The following KY variants were observed in gnomAD, a reference collection of about 807,000 sequenced individuals.
KY encodes kyphoscoliosis peptidase.
In KY, 43 loss-of-function variants were observed where a neutral mutation model predicts 76.1. The observed-to-expected ratio is 0.57, with a 90% CI of 0.44 to 0.73. The LOEUF (loss-of-function observed/expected upper bound fraction) is 0.73, where lower values mean the gene tolerates loss of function less well. Among genes scored for constraint, KY ranks in the 30% least tolerant of loss-of-function variants. The pLI is 0.00. For missense variants in KY, 722 were observed against 828.9 expected (o/e 0.87, Z 1.58); for synonymous variants, 277 against 326.2 (o/e 0.85, Z 1.63).
At chr3:134,636,713 C>A (rs1368173957) in intron 3 of KY, among the ~76,000 whole-genome samples, 1 of 152,204 alleles carries the variant, frequency 6.6e-6, no homozygotes, top group African/African-American at 2.4e-5. Flanking sequence ...TTGTCTAAAG[C>A]TGCTAAGTTG....
At chr3:134,633,892 A>C (rs1054832318) in intron 3 of KY, among the ~76,000 whole-genome samples, 2 of 152,208 alleles carry the variant, frequency 1.3e-5, no homozygotes, top group African/African-American at 4.8e-5. Context: ...AGAACTAATA[A>C]GTTAGTTTAG....
chr3:134,616,914 G>A (rs1252016572), intron 8 of KY, among the ~76,000 whole-genome samples: 2 of 152,182 alleles, frequency 1.3e-5, no homozygotes, highest in Non-Finnish European at 2.9e-5. Context: ...AGCCCTGCCA[G>A]GTAGGCAATC....
intron 8 of KY, among the ~76,000 whole-genome samples, chr3:134,611,867 T>G (rs1880378): frequency 6.6e-6 from 1 of 152,078 alleles, no homozygotes; most frequent in Non-Finnish European, 1.5e-5. Context: ...CTATAGGAAT[T>G]GGGGGAATCT....
chr3:134,604,503 G>T (rs375704295), intron 10 of KY, 29 bp from the exon 11 acceptor site: 32 of 1,577,586 alleles, frequency 2.0e-5, no homozygotes, highest in Non-Finnish European at 2.8e-5. Flanking sequence ...GGTCAGCAGA[G>T]ATGGGTCCAG....
chr3:134,610,893 G>T (rs1960305432), intron 8 of KY, among the ~76,000 whole-genome samples: 1 of 152,212 alleles, frequency 6.6e-6, no homozygotes, highest in African/African-American at 2.4e-5. Context: ...GTGTTGTGGG[G>T]TTGCTGGTTG....
chr3:134,611,926 A>G (rs1467627989), intron 8 of KY, among the ~76,000 whole-genome samples: 1 of 152,286 alleles, frequency 6.6e-6, no homozygotes, highest in Non-Finnish European at 1.5e-5. Context: ...ATATTGGATT[A>G]AATATTACTA....
At chr3:134,644,071 C>T (rs938877634) in intron 2 of KY, among the ~76,000 whole-genome samples, 10 of 152,106 alleles carry the variant, frequency 6.6e-5, no homozygotes, top group Admixed American at 2.0e-4. Context: ...GTGATTCACC[C>T]GCCTCAGCCT....
In KY at chr3:134,600,008, C is replaced by T. The variant is rs569405560; in HGVS notation, c.*3571G>A. On this transcript the variant is annotated 3_prime_UTR_variant, in exon 11 of 11. Transcript: ENST00000423778. ...CATACTCAACAGCCACCGGCCCACA[C>T]AACTCAATGCACACATTATGAGAAG... Among the ~76,000 whole-genome samples the T allele has an allele frequency of 3.9e-5, 6 of 152,354 alleles. No homozygotes were observed. The East Asian group carries it at 1.2e-3, about 29-fold the overall frequency.
Position 134,603,948 on chromosome 3 carries a change from G to A in KY, c.1617C>T (p.Val539=). ...AGTTTCCTGGTTCCTGCCTCTTCTT[G>A]ACAAAGATCTTGAGGGCAAACTTGC... ...HAGKFALKIF[V]KKRQEPGNYI... is the part of the protein sequence containing the mutation. Residue 539 remains valine, a synonymous_variant, in exon 11 of 11, where the codon GTC becomes GTT. Coordinates refer to ENST00000423778, the MANE Select transcript of KY (RefSeq NM_178554.6). The A allele has an allele frequency of 6.2e-7, 1 of 1,614,008 alleles. No homozygotes were observed. The highest frequency in any genetic ancestry group is 8.5e-7 in the Non-Finnish European group (1 of 1,179,888).
chr3:134,615,435 C>T (rs1251233363), intron 8 of KY: 2 of 146,658 alleles, frequency 1.4e-5, no homozygotes, highest in Non-Finnish European at 3.0e-5. Flanking sequence ...TCATAGCTGA[C>T]ATGGTAAGTT....
chr3:134,624,347 G>T (rs1295652446), intron 6 of KY, among the ~76,000 whole-genome samples: 2 of 152,142 alleles, frequency 1.3e-5, no homozygotes, highest in African/African-American at 4.8e-5. Flanking sequence ...TTCTCATCTG[G>T]CTTTCTTGAT....
At chr3:134,614,007 A>T (rs1961031802) in intron 8 of KY, among the ~76,000 whole-genome samples, 1 of 152,238 alleles carries the variant, frequency 6.6e-6, no homozygotes, top group Non-Finnish European at 1.5e-5. Context: ...AACAACATAA[A>T]AAAATATCAT....
chr3:134,620,771 C>T lies in KY; in HGVS notation c.570G>A (p.Trp190Ter). 6.2e-7 allele frequency: 1 copy of T among 1,613,646 alleles called. No homozygotes were observed. Among genetic ancestry groups the T allele is most frequent in the Non-Finnish European group, 8.5e-7 (1 of 1,179,694 alleles). The change falls in exon 7 of 11, where the codon TGG becomes TGA. Residue 190 changes from tryptophan (W) to a stop codon, truncating the protein, a stop_gained. Coordinates refer to ENST00000423778, the MANE Select transcript of KY (RefSeq NM_178554.6). LOFTEE classifies it high-confidence loss of function. ...HTDLERVRAIWIWICHHIEYD... is the reference protein window; with the variant it reads ...HTDLERVRAI ...TACCTATGTGATGGCAGATCCAGAT[C>T]CAGATGGCGCGGACCCTTTCCAGGT... is the stretch of plus-strand genomic sequence containing the variant.
At chr3:134,619,396 C>T in intron 7 of KY, 131 bp from the exon 8 acceptor site, 1 of 697,180 alleles carries the variant, frequency 1.4e-6, no homozygotes, top group Non-Finnish European at 2.6e-6. Flanking sequence ...AACTACAGCC[C>T]CAGCACAAAT....
At chr3:134,642,285 G>T (rs1025909985) in intron 3 of KY, among the ~76,000 whole-genome samples, 1 of 152,144 alleles carries the variant, frequency 6.6e-6, no homozygotes, top group African/African-American at 2.4e-5. Flanking sequence ...GTTTCATATG[G>T]GGCATGGGGG....
At chr3:134,604,787 T>C (rs1256835448) in intron 10 of KY, among the ~76,000 whole-genome samples, 1 of 152,178 alleles carries the variant, frequency 6.6e-6, no homozygotes, top group South Asian at 2.1e-4. Flanking sequence ...TCCTGCCCAA[T>C]TGATTCACAT....
At position 134,603,799 on chromosome 3, in the gene KY, A is replaced by G; in HGVS notation, c.1766T>C (p.Leu589Pro). 6.2e-7 allele frequency: 1 copy of G among 1,613,628 alleles called. No homozygotes were observed. Among genetic ancestry groups the G allele is most frequent in the Non-Finnish European group, 8.5e-7 (1 of 1,179,666 alleles). ...GAATGGGACATTCCGGTTGGCAGGA[A>G]GCACACCTGACAGAGGTTCCAGCAG... ...NELLEPLSGV[L>P]PANRNVPFKL... Residue 589 changes from leucine to proline, a missense_variant, in exon 11 of 11, where the codon CTT (leucine) becomes CCT (proline). By Grantham distance (98) the Leu-to-Pro change is moderately conservative (BLOSUM62 -3). Transcript: ENST00000423778.
chr3:134,650,933 C>A lies in KY; in HGVS notation c.28G>T (p.Val10Leu), dbSNP rs943325142. 3 of 1,613,256 alleles carry A rather than the reference C, an allele frequency of 1.9e-6. No homozygotes were observed. The highest frequency in any genetic ancestry group is 2.5e-6 in the Non-Finnish European group (3 of 1,179,538). Residue 10 changes from valine to leucine, a missense_variant, in exon 1 of 11, where the codon GTA becomes TTA. By Grantham distance (32) the Val-to-Leu change is conservative. Around this residue, in one of 2 missense-constraint regions of KY, gnomAD observed 170 missense variants for 148.1 expected, o/e 1.15. Coordinates refer to ENST00000423778, the MANE Select transcript of KY (RefSeq NM_178554.6). Reference sequence around the variant, plus strand: ...ACGATCAGCAGCATGTCGATAGATACAGCGTTGATGTCCTTCTTCAGCTCC... The same window carrying A: ...ACGATCAGCAGCATGTCGATAGATAAAGCGTTGATGTCCTTCTTCAGCTCC... MELKKDINAVSIDMLLIVHS... is the reference protein window; with the variant it reads MELKKDINALSIDMLLIVHS...
Position 134,625,136 on chromosome 3 carries a change from C to G in KY, c.401-1G>C. On this transcript the variant is annotated splice_acceptor_variant, in intron 5 of 10. Transcript: ENST00000423778. LOFTEE classifies it high-confidence loss of function. ...AGGCTAGATCGATCCCAGGGGTAGG[C>G]TGGAAACACAGGGCACCTTGGTCAG... 1 of 1,593,938 alleles carries G rather than the reference C, an allele frequency of 6.3e-7. No individual in the cohort carries two copies. The highest frequency in any genetic ancestry group is 8.5e-7 in the Non-Finnish European group (1 of 1,169,898).
Sources: gnomAD v4.1 joint callset for allele counts (sites outside exome capture counted in the v4.1 genomes callset) on GRCh38, gnomAD v4.1.1 for gene constraint, gnomAD v4.1.1 regional missense constraint, MANE v1.5 for transcripts, NCBI Gene and HGNC (gene_info 2026-07-23, HGNC 2026-07-21) for gene names.